INSR: variants seen among roughly 807,000 people sequenced by gnomAD.
INSR encodes insulin receptor, also known as IR.
INSR carries 67 observed loss-of-function variants against 142.6 expected under a neutral mutation model. That is an observed-to-expected ratio of 0.47 (90% CI 0.39 to 0.58). The LOEUF is 0.58. INSR is among the 20% of genes least tolerant of loss of function. The pLI is 0.00. For synonymous variants in INSR, 756 were observed against 743.1 expected, an observed-to-expected ratio of 1.02 and a Z score of -0.28; for missense variants, 1,248 against 1,833.2, an observed-to-expected ratio of 0.68 and a Z score of 5.83.
At chr19:7,153,136 C>CA (rs1973449461) in intron 9 of INSR, among the ~76,000 whole-genome samples, 1 of 7,974 alleles carries the variant, frequency 1.3e-4, no homozygotes, top group Non-Finnish European at 5.6e-4. Context: ...ACACCACACA[C>CA]CACACACACC....
At chr19:7,215,961 GGAAATTCCGACGGGAATT>G (rs1392456695) in intron 2 of INSR, among the ~76,000 whole-genome samples, 2 of 152,090 alleles carry the variant, frequency 1.3e-5, no homozygotes, top group African/African-American at 4.8e-5. Flanking sequence ...AGCTCTGTTG[GGAAATTCCGACGGGAATT>G]GAAACAGGTT....
intron 2 of INSR, among the ~76,000 whole-genome samples, chr19:7,224,684 C>T (rs1285671528): frequency 1.3e-5 from 2 of 152,170 alleles, no homozygotes; most frequent in African/African-American, 4.8e-5. Context: ...GTAAGATGTG[C>T]GTCCCGAGGA....
At chr19:7,180,390 T>A (rs973739092) in intron 3 of INSR, among the ~76,000 whole-genome samples, 65 of 151,478 alleles carry the variant, frequency 4.3e-4, no homozygotes, top group South Asian at 1.0e-3. Context: ...TAGCCAGGTG[T>A]GGTGGTGTGT....
chr19:7,148,987 G>T (rs1973253350), intron 11 of INSR, among the ~76,000 whole-genome samples: 1 of 151,118 alleles, frequency 6.6e-6, no homozygotes, highest in Non-Finnish European at 1.5e-5. Flanking sequence ...TAGTAACGGG[G>T]TTTCACCATC....
intron 11 of INSR, among the ~76,000 whole-genome samples, chr19:7,149,989 A>AAGG (rs1973293271): frequency 1.4e-5 from 2 of 142,232 alleles, no homozygotes; most frequent in African/African-American, 2.8e-5. Context: ...AGGAAGGAAG[A>AAGG]GATCCCTGAC....
chr19:7,278,167 G>A (rs756451632), intron 1 of INSR, among the ~76,000 whole-genome samples: 1 of 152,060 alleles, frequency 6.6e-6, no homozygotes, highest in Non-Finnish European at 1.5e-5. Flanking sequence ...GAAGAATGCA[G>A]ATGGAAACAG....
At chr19:7,129,055 T>G in intron 14 of INSR, 101 bp from the exon 15 acceptor site, 1 of 845,854 alleles carries the variant, frequency 1.2e-6, no homozygotes, top group Non-Finnish European at 2.0e-6. Context: ...GCCACCCTGT[T>G]CCTTCCCTCC....
At chr19:7,198,044 TGTGTCTGCGTGTGTGCCC>T (rs979753595) in intron 2 of INSR, among the ~76,000 whole-genome samples, 28 of 151,576 alleles carry the variant, frequency 1.8e-4, no homozygotes, top group Non-Finnish European at 3.5e-4. Context: ...GGCGTGTGTG[TGTGTCTGCGTGTGTGCCC>T]GTGTCTGCGT....
chr19:7,280,507 C>G (rs1024323802), intron 1 of INSR, among the ~76,000 whole-genome samples: 5 of 152,098 alleles, frequency 3.3e-5, no homozygotes, highest in Admixed American at 2.0e-4. Flanking sequence ...CACCTGAGAT[C>G]AGGAGTTCGA....
chr19:7,267,901 A>G lies in INSR; in HGVS notation c.101-5T>C. On this transcript the variant is annotated splice_polypyrimidine_tract_variant and splice_region_variant and intron_variant, in intron 1 of 21. Coordinates refer to ENST00000302850, the MANE Select transcript of INSR (RefSeq NM_000208.4). This position sits in a 1 kb window ranked among gnomAD's most constrained non-coding sequence, Gnocchi z 6.3. ...GGATATCCATGCCGGGACACACTAC[A>G]AGAGAAAATGAACAGAAAGCAAGAC... 1.9e-6 allele frequency: 3 copies of G among 1,612,552 alleles called. No homozygotes were observed. Among genetic ancestry groups the G allele is most frequent in the Non-Finnish European group, 2.5e-6 (3 of 1,179,246 alleles).
intron 3 of INSR, among the ~76,000 whole-genome samples, chr19:7,184,060 CAA>C (rs533682498): frequency 1.1e-4 from 9 of 85,078 alleles, no homozygotes; most frequent in Non-Finnish European, 9.0e-5. Context: ...GACTCCATCT[CAA>C]AAAAAAAAAA....
chr19:7,250,611 G>A (rs927669728), intron 2 of INSR, among the ~76,000 whole-genome samples: 2 of 135,384 alleles, frequency 1.5e-5, no homozygotes, highest in Non-Finnish European at 3.2e-5. Flanking sequence ...AGGAGGGAGG[G>A]AGGGAGGGCA....
chr19:7,276,395 G>A (rs746595739), intron 1 of INSR, among the ~76,000 whole-genome samples: 18 of 152,054 alleles, frequency 1.2e-4, no homozygotes, highest in South Asian at 2.1e-4. Context: ...GTCCTGCGTC[G>A]GCCTCCCAGT....
chr19:7,161,422 T>TA (rs1325604979), intron 9 of INSR, among the ~76,000 whole-genome samples: 1 of 151,574 alleles, frequency 6.6e-6, no homozygotes, highest in Non-Finnish European at 1.5e-5. Context: ...ACCATTTTTT[T>TA]AAATTTTTTT....
intron 12 of INSR, 88 bp from the exon 13 acceptor site, chr19:7,141,904 G>T: frequency 1.9e-6 from 2 of 1,074,548 alleles, no homozygotes; most frequent in South Asian, 1.3e-5. Flanking sequence ...CCTTGGGCTG[G>T]TGACGTCATT....
At chr19:7,118,770 C>T (rs1227355172) in intron 21 of INSR, among the ~76,000 whole-genome samples, 1 of 136,926 alleles carries the variant, frequency 7.3e-6, no homozygotes, top group African/African-American at 2.6e-5. Context: ...AAAAAATTAG[C>T]CAGGCGCGGT....
intron 2 of INSR, among the ~76,000 whole-genome samples, chr19:7,217,168 A>G (rs1315579683): frequency 6.6e-6 from 1 of 152,082 alleles, no homozygotes; most frequent in East Asian, 1.9e-4. Context: ...AAAGCCCAAA[A>G]TGAGTCTTAC....
chr19:7,169,731 C>T (rs2144948179), intron 6 of INSR, among the ~76,000 whole-genome samples: 1 of 152,300 alleles, frequency 6.6e-6, no homozygotes, highest in East Asian at 1.9e-4. Context: ...TTGAAGTCTT[C>T]AGCATCAGCC....
intron 9 of INSR, among the ~76,000 whole-genome samples, chr19:7,153,356 C>CATACACACACCACACAT (rs1568449970): frequency 9.5e-6 from 1 of 105,388 alleles, no homozygotes; most frequent in African/African-American, 5.1e-5. Context: ...ACAGACCACA[C>CATACACACACCACACAT]ACCACACACC....
Sources: gnomAD v4.1 joint callset for allele counts (sites outside exome capture counted in the v4.1 genomes callset) on GRCh38, gnomAD v4.1.1 for gene constraint, Gnocchi (gnomAD v3.1) non-coding constraint, MANE v1.5 for transcripts, NCBI Gene and HGNC (gene_info 2026-07-23, HGNC 2026-07-21) for gene names.